The following RAPGEF4 variants were observed in gnomAD, a reference collection of about 807,000 sequenced individuals.
RAPGEF4 encodes the protein RAP guanine-nucleotide-exchange factor (GEF) 4.
In RAPGEF4, 66 loss-of-function variants were observed where a neutral mutation model predicts 147.9. The observed-to-expected ratio is 0.45, with a 90% CI of 0.37 to 0.55. The LOEUF (loss-of-function observed/expected upper bound fraction) is 0.55. RAPGEF4 is among the 20% of genes least tolerant of loss of function. The probability of loss-of-function intolerance (pLI) is 0.00; values close to 1 mark genes in which losing one functional copy is unlikely to be tolerated. For synonymous variants in RAPGEF4, 419 were observed against 442.7 expected (o/e 0.95, Z 0.67); for missense variants, 1,071 against 1,257.3 (o/e 0.85, Z 2.24).
chr2:172,878,835 A>G (rs1423358739), intron 4 of RAPGEF4, among the ~76,000 whole-genome samples: 1 of 152,234 alleles, frequency 6.6e-6, no homozygotes, highest in Non-Finnish European at 1.5e-5. Flanking sequence ...GTAGTCATAA[A>G]GACGTAAATG....
At chr2:173,025,759 A>C (rs893387034) in intron 23 of RAPGEF4, among the ~76,000 whole-genome samples, 3 of 152,192 alleles carry the variant, frequency 2.0e-5, no homozygotes, top group Admixed American at 2.0e-4. Context: ...TGACTTTTGG[A>C]ACTTTGTAAT....
At chr2:172,917,339 CAA>C (rs1487652460) in intron 4 of RAPGEF4, 1 of 419,572 alleles carries the variant, frequency 2.4e-6, no homozygotes, top group African/African-American at 2.1e-5. Flanking sequence ...CAGCTTCTTT[CAA>C]AAAAGACATT....
chr2:172,738,700 AC>A (rs1694032189), intron 1 of RAPGEF4, among the ~76,000 whole-genome samples: 1 of 152,156 alleles, frequency 6.6e-6, no homozygotes, highest in Non-Finnish European at 1.5e-5. Context: ...AGTACAATGA[AC>A]CCATGTGGGT....
Position 172,888,203 on chromosome 2 carries a change from T to C in RAPGEF4, c.445-29599T>C, listed in dbSNP as rs180771956. ...AAACACATGCAGCAGTTGGAGAAATTATAGAAGGTTTAACTGTAAAGTATT... is the reference window on the plus strand; with the variant it reads ...AAACACATGCAGCAGTTGGAGAAATCATAGAAGGTTTAACTGTAAAGTATT... On this transcript the variant is annotated intron_variant, in intron 4 of 30. Coordinates refer to ENST00000397081, the MANE Select transcript of RAPGEF4 (RefSeq NM_007023.4). Among the ~76,000 whole-genome samples, 13 of 152,228 alleles carry C rather than the reference T, an allele frequency of 8.5e-5. No homozygotes were observed. The East Asian group carries it at 1.7e-3, about 20-fold the overall frequency.
At chr2:172,772,739 G>T (rs925641700) in intron 1 of RAPGEF4, among the ~76,000 whole-genome samples, 1 of 152,230 alleles carries the variant, frequency 6.6e-6, no homozygotes, top group Non-Finnish European at 1.5e-5. Flanking sequence ...ATAACCAAGC[G>T]TGTGCTTTGG....
chr2:172,918,014 A>T, intron 5 of RAPGEF4, 140 bp downstream of exon 5: 3 of 787,488 alleles, frequency 3.8e-6, no homozygotes, highest in Non-Finnish European at 6.8e-6. Context: ...CTGCCAGCTC[A>T]CACTGGAGAT....
intron 6 of RAPGEF4, among the ~76,000 whole-genome samples, chr2:172,954,862 T>C (rs1688571968): frequency 6.6e-6 from 1 of 152,232 alleles, no homozygotes; most frequent in South Asian, 2.1e-4. Flanking sequence ...ATTAGATTCA[T>C]ATTATCTTGT....
chr2:172,985,550 G>A (rs763129365), intron 12 of RAPGEF4, 57 bp downstream of exon 12: 4 of 1,579,896 alleles, frequency 2.5e-6, no homozygotes, highest in Admixed American at 3.9e-5. Context: ...GCAAGCACAT[G>A]CCACGGGAAG....
chr2:173,024,112 G>A (rs1696397527), intron 23 of RAPGEF4, among the ~76,000 whole-genome samples: 1 of 152,184 alleles, frequency 6.6e-6, no homozygotes, highest in African/African-American at 2.4e-5. Flanking sequence ...TCTGTCCCCT[G>A]TGTAGAGTAA....
chr2:172,935,457 A>G lies in RAPGEF4; in HGVS notation c.537+13157A>G, dbSNP rs544707135. Among the ~76,000 whole-genome samples, 9 of 152,260 alleles carry G rather than the reference A, an allele frequency of 5.9e-5. No individual in the cohort carries two copies. The South Asian group carries it at 1.2e-3, about 21-fold the overall frequency. On this transcript the variant is annotated intron_variant, in intron 6 of 30. Coordinates refer to ENST00000397081, the MANE Select transcript of RAPGEF4 (RefSeq NM_007023.4). The stretch of plus-strand genomic sequence containing the variant: ...AGGTCTGTGCCCAGAAGGAGGAGGA[A>G]TGATGGGAAATGAGAGCTGTTCATT...
intron 1 of RAPGEF4, among the ~76,000 whole-genome samples, chr2:172,763,236 A>T (rs1696512776): frequency 6.6e-6 from 1 of 152,148 alleles, no homozygotes; most frequent in South Asian, 2.1e-4. Context: ...CCTTGTCTTG[A>T]GTCATACAGG....
At chr2:172,878,686 A>C (rs1393486851) in intron 4 of RAPGEF4, among the ~76,000 whole-genome samples, 1 of 152,204 alleles carries the variant, frequency 6.6e-6, no homozygotes, top group Non-Finnish European at 1.5e-5. Context: ...TTCCCTGCTA[A>C]AGTAAAGAAC....
intron 17 of RAPGEF4, among the ~76,000 whole-genome samples, chr2:173,001,885 T>A (rs112878138): frequency 1.3e-5 from 2 of 149,696 alleles, no homozygotes; most frequent in African/African-American, 2.4e-5. Context: ...ACCTCCAGCA[T>A]TGAGGATTAC....
intron 4 of RAPGEF4, among the ~76,000 whole-genome samples, chr2:172,820,325 C>T (rs926665895): frequency 1.3e-5 from 2 of 152,094 alleles, no homozygotes; most frequent in African/African-American, 4.8e-5. Flanking sequence ...TTCCCTGTTG[C>T]CATGAGCCAT....
intron 16 of RAPGEF4, among the ~76,000 whole-genome samples, chr2:172,997,235 C>T (rs1212241757): frequency 6.6e-6 from 1 of 152,124 alleles, no homozygotes; most frequent in East Asian, 1.9e-4. Flanking sequence ...CGGATCTCTG[C>T]CCTCATGTTC....
chr2:172,831,430 G>A (rs565997498), intron 4 of RAPGEF4, among the ~76,000 whole-genome samples: 79 of 151,350 alleles, frequency 5.2e-4, no homozygotes, highest in Non-Finnish European at 4.3e-4. Flanking sequence ...CACCATGCCC[G>A]GCTAATTTTT....
intron 10 of RAPGEF4, among the ~76,000 whole-genome samples, chr2:172,968,982 A>T (rs1340470540): frequency 6.6e-6 from 1 of 152,190 alleles, no homozygotes; most frequent in Admixed American, 6.5e-5. Context: ...CAACATATGC[A>T]GTGGTTCTGA....
At chr2:172,914,562 G>A (rs1683834948) in intron 4 of RAPGEF4, among the ~76,000 whole-genome samples, 1 of 151,122 alleles carries the variant, frequency 6.6e-6, no homozygotes, top group Admixed American at 6.6e-5. Context: ...AGGAAGAGAG[G>A]GAGGGAGGAA....
intron 4 of RAPGEF4, among the ~76,000 whole-genome samples, chr2:172,874,774 G>T (rs1360074506): frequency 1.3e-5 from 2 of 152,098 alleles, no homozygotes; most frequent in Non-Finnish European, 2.9e-5. Flanking sequence ...GTAATGGGAT[G>T]GCTGGGTCAA....
Sources: allele counts gnomAD v4.1 joint callset (sites outside exome capture counted in the v4.1 genomes callset), GRCh38; gene constraint gnomAD v4.1.1; transcripts MANE v1.5; gene names NCBI Gene and HGNC (gene_info 2026-07-23, HGNC 2026-07-21).